The following SH3PXD2B variants were observed in gnomAD, a reference collection of about 807,000 sequenced individuals.
The protein encoded by SH3PXD2B is SH3 and PX domain-containing protein 2B.
In SH3PXD2B, 37 loss-of-function variants were observed where a neutral mutation model predicts 73.1. That is an observed-to-expected ratio of 0.51 (90% confidence interval 0.39 to 0.67). The LOEUF is 0.67. Ranked by LOEUF, SH3PXD2B falls within the 30% of genes least tolerant of loss-of-function variation. The pLI is 0.00. For missense variants in SH3PXD2B, 1,053 were observed against 1,197.8 expected (o/e 0.88, Z 1.78); for synonymous variants, 457 against 480.5 (o/e 0.95, Z 0.64).
intron 12 of SH3PXD2B, among the ~76,000 whole-genome samples, chr5:172,343,052 G>A (rs544973228): frequency 6.6e-6 from 1 of 152,216 alleles, no homozygotes; most frequent in Non-Finnish European, 1.5e-5. Context: ...TTTTGCAGCC[G>A]CAAGAGCTAA....
intron 1 of SH3PXD2B, among the ~76,000 whole-genome samples, chr5:172,451,969 C>T (rs910027326): frequency 6.6e-6 from 1 of 152,246 alleles, no homozygotes; most frequent in African/African-American, 2.4e-5. Context: ...TCTTGAATCA[C>T]ATGAGTGACT....
rs142978547 is a variant in SH3PXD2B at position 172,440,682 on chromosome 5, C to T, written c.75+13596G>A. Among the ~76,000 whole-genome samples the T allele has an allele frequency of 2.4e-3, 368 of 152,246 alleles. 1 individual carries two copies. The highest frequency in any genetic ancestry group is 8.5e-3 in the African/African-American group (354 of 41,536). Reference sequence around the variant, plus strand: ...ATCTCAGTAGGGAGCCACCAGGTCCCGGGCCGAGGCGTCCTAGAGAATGTC... The same window carrying T: ...ATCTCAGTAGGGAGCCACCAGGTCCTGGGCCGAGGCGTCCTAGAGAATGTC... On this transcript the variant is annotated intron_variant, in intron 1 of 12. Coordinates refer to ENST00000311601, the MANE Select transcript of SH3PXD2B (RefSeq NM_001017995.3).
At chr5:172,366,534 C>A (rs1254016414) in intron 6 of SH3PXD2B, among the ~76,000 whole-genome samples, 1 of 152,246 alleles carries the variant, frequency 6.6e-6, no homozygotes, top group Non-Finnish European at 1.5e-5. Context: ...TCAACCTCTC[C>A]TTCTTATTTC....
intron 6 of SH3PXD2B, among the ~76,000 whole-genome samples, chr5:172,368,467 ATT>A (rs1757578386): frequency 2.7e-5 from 1 of 37,614 alleles, no homozygotes; most frequent in Non-Finnish European, 4.2e-5. Flanking sequence ...ATATATATAT[ATT>A]ATATATATAT....
chr5:172,381,330 C>T (rs961405661), intron 5 of SH3PXD2B, among the ~76,000 whole-genome samples: 18 of 152,212 alleles, frequency 1.2e-4, no homozygotes, highest in Non-Finnish European at 1.8e-4. Context: ...ACTCCCAGCA[C>T]CTTGGGCTGA....
At chr5:172,386,583 TTG>T (rs1410044106) in intron 4 of SH3PXD2B, among the ~76,000 whole-genome samples, 1 of 115,232 alleles carries the variant, frequency 8.7e-6, no homozygotes, top group Non-Finnish European at 1.7e-5. Flanking sequence ...TGTTGTTTTA[TTG>T]TTTTTATTTT....
Position 172,362,662 on chromosome 5 carries a change from A to G in SH3PXD2B, c.562+73T>C, listed in dbSNP as rs202239996. The G allele has an allele frequency of 1.9e-6, 3 of 1,610,324 alleles. No individual in the cohort carries two copies. In the African/African-American group the frequency reaches 4.0e-5, roughly 22 times the overall value. ...TCTGGACTGGCCATTTCAGTTTCTGAGTTTCCAAATGTTTCATGTCCCAGG... is the reference window on the plus strand; with the variant it reads ...TCTGGACTGGCCATTTCAGTTTCTGGGTTTCCAAATGTTTCATGTCCCAGG... On this transcript the variant is annotated intron_variant, in intron 7 of 12. Coordinates refer to ENST00000311601, the MANE Select transcript of SH3PXD2B (RefSeq NM_001017995.3).
At position 172,347,283 on chromosome 5, in the gene SH3PXD2B, A is replaced by G. The variant is rs775439771; in HGVS notation, c.1062T>C (p.Ile354=). The G allele has an allele frequency of 1.2e-6, 2 of 1,614,088 alleles. No individual in the cohort carries two copies. The highest frequency in any genetic ancestry group is 1.7e-6 in the Non-Finnish European group (2 of 1,179,996). The change falls in exon 11 of 13, where the codon ATT becomes ATC. Residue 354 remains isoleucine, a splice_region_variant and synonymous_variant. Transcript: ENST00000311601. Reference sequence around the variant, plus strand: ...TCCCCAGTAGCGAGGATCCACTTACAATGGTCATGTCCCGGCGAGGAGGGG... The same window carrying G: ...TCCCCAGTAGCGAGGATCCACTTACGATGGTCATGTCCCGGCGAGGAGGGG... ...QRPPPRRDMT[I]PRGLNLPKPP...
rs1554137059 is a variant in SH3PXD2B at position 172,368,630 on chromosome 5, A to ATATGTTATATATATAAC, written c.427+5159_427+5160insGTTATATATATAACATA. Among the ~76,000 whole-genome samples, 25 of 11,550 alleles carry ATATGTTATATATATAAC rather than the reference A, an allele frequency of 2.2e-3. 6 individuals carry two copies. The highest frequency in any genetic ancestry group is 0.012 in the South Asian group (2 of 162). 7.6% of individuals were successfully genotyped at this position (11,550 alleles called of 152,430 possible). ...TAATATATATGTTATATATATATAT[A>ATATGTTATATATATAAC]ATATATATGTTATATATATAAAATA... On this transcript the variant is annotated intron_variant, in intron 6 of 12. Coordinates refer to ENST00000311601, the MANE Select transcript of SH3PXD2B (RefSeq NM_001017995.3).
In SH3PXD2B at chr5:172,422,311, A is replaced by C; in HGVS notation, c.156+105T>G. On this transcript the variant is annotated intron_variant, in intron 2 of 12. Transcript: ENST00000311601. ...CGCCCAGCCATGGATGTCATTTTTA[A>C]GTCTGGGAAATTAAAAAAATTCTGG... 2.8e-6 allele frequency: 3 copies of C among 1,085,668 alleles called. No individual in the cohort carries two copies. The South Asian group carries it at 4.0e-5, about 15-fold the overall frequency. The allele number at this position is 1,085,668 out of a possible 1,614,324, so 67.3% of individuals were successfully genotyped here.
chr5:172,348,665 A>G (rs1474221622), intron 10 of SH3PXD2B, among the ~76,000 whole-genome samples: 1 of 41,366 alleles, frequency 2.4e-5, no homozygotes, highest in African/African-American at 7.0e-5. Flanking sequence ...CTATCTATCT[A>G]TCTATCTATC....
At chr5:172,398,869 C>G (rs1758366020) in intron 3 of SH3PXD2B, among the ~76,000 whole-genome samples, 1 of 152,178 alleles carries the variant, frequency 6.6e-6, no homozygotes, top group African/African-American at 2.4e-5. Context: ...TTCCAGTTAT[C>G]TAGAGTACAG....
At chr5:172,327,154 C>T (rs1756461889) in intron 12 of SH3PXD2B, among the ~76,000 whole-genome samples, 1 of 152,156 alleles carries the variant, frequency 6.6e-6, no homozygotes, top group African/African-American at 2.4e-5. Context: ...ACCACCGCGC[C>T]TGGCCTGAAG....
intron 1 of SH3PXD2B, among the ~76,000 whole-genome samples, chr5:172,423,245 C>G (rs1053298327): frequency 1.3e-5 from 2 of 152,150 alleles, no homozygotes; most frequent in Non-Finnish European, 2.9e-5. Context: ...CAGGTAGACA[C>G]CTAAGGGCTA....
chr5:172,329,476 G>A (rs909551573), downstream of SH3PXD2B, among the ~76,000 whole-genome samples: 2 of 151,514 alleles, frequency 1.3e-5, no homozygotes, highest in African/African-American at 4.9e-5. Context: ...CAAGTTTCAC[G>A]CAGCTGGAAG....
Position 172,353,314 on chromosome 5 carries a change from G to A in SH3PXD2B, c.785+574C>T, listed in dbSNP as rs1757198534. Among the ~76,000 whole-genome samples the A allele has an allele frequency of 6.6e-6, 1 of 152,204 alleles. No individual in the cohort carries two copies. The highest frequency in any genetic ancestry group is 2.1e-4 in the South Asian group (1 of 4,836). ...CATCCTGCCTATTGGGGGTGATCAA[G>A]GAGGGGTTCCCAGGACTTTCATTAC... is the stretch of plus-strand genomic sequence containing the variant. On this transcript the variant is annotated intron_variant, in intron 9 of 12. Coordinates refer to ENST00000311601, the MANE Select transcript of SH3PXD2B (RefSeq NM_001017995.3). The surrounding 1 kb of genome is among the most constrained non-coding windows in gnomAD (Gnocchi z 4.3).
chr5:172,425,192 A>AT (rs1240953319), intron 1 of SH3PXD2B, among the ~76,000 whole-genome samples: 1 of 151,958 alleles, frequency 6.6e-6, no homozygotes, highest in Non-Finnish European at 1.5e-5. Flanking sequence ...CAGCATGGAG[A>AT]TTTTGAATGG....
intron 12 of SH3PXD2B, among the ~76,000 whole-genome samples, chr5:172,326,799 C>A (rs1756453748): frequency 1.3e-5 from 2 of 151,418 alleles, no homozygotes; most frequent in African/African-American, 4.9e-5. Context: ...TATTTACTAT[C>A]TGACCCTTTA....
At chr5:172,325,387 G>A (rs1239038118) in intron 12 of SH3PXD2B, 2 of 1,523,594 alleles carry the variant, frequency 1.3e-6, no homozygotes, top group Non-Finnish European at 1.8e-6. Flanking sequence ...GATCCTAGAT[G>A]AATGCAGGGA....
Sources: gnomAD v4.1 joint callset for allele counts (sites outside exome capture counted in the v4.1 genomes callset) on GRCh38, gnomAD v4.1.1 for gene constraint, Gnocchi (gnomAD v3.1) non-coding constraint, MANE v1.5 for transcripts, NCBI Gene and HGNC (gene_info 2026-07-23, HGNC 2026-07-21) for gene names.